PPP1R7: variants seen among roughly 807,000 people sequenced by gnomAD.
PPP1R7 encodes protein phosphatase 1 regulatory subunit 22.
Under a neutral mutation model 45.2 loss-of-function variants are expected in PPP1R7, and 18 were observed. The observed-to-expected ratio is 0.40, with a 90% CI of 0.28 to 0.59. PPP1R7 has a LOEUF of 0.59. PPP1R7 is among the 20% of genes least tolerant of loss of function. The pLI is 0.46. For synonymous variants in PPP1R7, 181 were observed against 183.4 expected, an observed-to-expected ratio of 0.99 and a Z score of 0.11; for missense variants, 314 against 455.8, an observed-to-expected ratio of 0.69 and a Z score of 2.83.
At chr2:241,149,920 C>A (rs1325124931), upstream of PPP1R7, 8 of 1,429,966 alleles carry the variant, frequency 5.6e-6, no homozygotes, top group Non-Finnish European at 6.4e-6. Context: ...CGCACCTGCC[C>A]GCCTGCTCCG....
chr2:241,169,982 C>A, intron 9 of PPP1R7, 115 bp downstream of exon 9: 1 of 840,384 alleles, frequency 1.2e-6, no homozygotes, highest in Non-Finnish European at 1.9e-6. Context: ...TGAGTGACTC[C>A]GCACATCATG....
At chr2:241,159,006 C>T (rs375654976) in intron 4 of PPP1R7, 96 of 587,056 alleles carry the variant, frequency 1.6e-4, no homozygotes, top group African/African-American at 1.4e-3. Flanking sequence ...TTTGGGTTCC[C>T]GCCCTTCCTC....
chr2:241,160,081 G>T (rs909167364), intron 5 of PPP1R7, among the ~76,000 whole-genome samples: 2 of 152,144 alleles, frequency 1.3e-5, no homozygotes, highest in African/African-American at 4.8e-5. Flanking sequence ...ACCATACTGG[G>T]AGCCAGGGCA....
intron 8 of PPP1R7, among the ~76,000 whole-genome samples, chr2:241,167,466 A>G (rs1167316488): frequency 6.9e-6 from 1 of 145,104 alleles, no homozygotes; most frequent in Non-Finnish European, 1.5e-5. Context: ...ACGTGCCTGC[A>G]GTGGAATGGC....
intron 9 of PPP1R7, among the ~76,000 whole-genome samples, chr2:241,172,643 C>CAAA (rs1364917767): frequency 1.0e-5 from 1 of 96,570 alleles, no homozygotes; most frequent in African/African-American, 3.8e-5. Context: ...AACTCCGTCT[C>CAAA]AAAAAAAAAA....
upstream of PPP1R7, chr2:241,149,651 G>A (rs1374901022): frequency 1.4e-5 from 21 of 1,541,554 alleles, no homozygotes; most frequent in African/African-American, 8.2e-5. Flanking sequence ...GGAATAATGG[G>A]CGCCTCCGCC....
chr2:241,174,912 T>C (rs2067884402), intron 9 of PPP1R7, among the ~76,000 whole-genome samples: 1 of 152,126 alleles, frequency 6.6e-6, no homozygotes, highest in Non-Finnish European at 1.5e-5. Flanking sequence ...CCTGACCTCA[T>C]GATCCGCCCG....
intron 9 of PPP1R7, among the ~76,000 whole-genome samples, chr2:241,176,695 C>T (rs2067912991): frequency 1.3e-5 from 2 of 151,962 alleles, no homozygotes; most frequent in South Asian, 4.1e-4. Context: ...TCCTGGCCTC[C>T]AGTGATCTGC....
chr2:241,172,549 C>T (rs1460267081), intron 9 of PPP1R7, among the ~76,000 whole-genome samples: 1 of 151,460 alleles, frequency 6.6e-6, no homozygotes, highest in Non-Finnish European at 1.5e-5. Flanking sequence ...GAGGCTAAGG[C>T]ACGACAATCA....
At chr2:241,162,559 A>AG (rs2067617835) in intron 6 of PPP1R7, among the ~76,000 whole-genome samples, 2 of 151,982 alleles carry the variant, frequency 1.3e-5, no homozygotes, top group Admixed American at 6.5e-5. Flanking sequence ...ACTGGGCAAG[A>AG]GGGGCAGAGT....
Position 241,183,559 on chromosome 2 carries a change from A to G in PPP1R7, c.*736A>G, listed in dbSNP as rs1332755736. 7.0e-6 allele frequency: 3 copies of G among 428,098 alleles called. No homozygotes were observed. Among genetic ancestry groups the G allele is most frequent in the South Asian group, 3.4e-5 (2 of 58,020 alleles). 26.5% of individuals were successfully genotyped at this position (428,098 alleles called of 1,614,324 possible). On this transcript the variant is annotated 3_prime_UTR_variant, in exon 10 of 10. Coordinates refer to ENST00000234038, the MANE Select transcript of PPP1R7 (RefSeq NM_002712.3). ...TGAGCCTCTCCAAAGACGGCCTCCA[A>G]GGATCTGAACTCTTGGCCACTGGTA... is the stretch of plus-strand genomic sequence containing the variant.
chr2:241,169,133 G>A (rs1344962081), intron 8 of PPP1R7, among the ~76,000 whole-genome samples: 6 of 152,174 alleles, frequency 3.9e-5, no homozygotes, highest in Admixed American at 3.9e-4. Flanking sequence ...GTCTCCCAGT[G>A]GGGGCACACA....
intron 8 of PPP1R7, chr2:241,167,008 C>A: frequency 1.3e-6 from 2 of 1,595,946 alleles, no homozygotes; most frequent in Non-Finnish European, 1.7e-6. Context: ...CTCACCTGTT[C>A]ATGCTCCTCC....
Position 241,182,938 on chromosome 2 carries a change from G to A in PPP1R7, c.*115G>A. The A allele has an allele frequency of 8.3e-7, 1 of 1,208,002 alleles. No homozygotes were observed. The highest frequency in any genetic ancestry group is 1.1e-6 in the Non-Finnish European group (1 of 877,642). The allele number at this position is 1,208,002 out of a possible 1,614,324, so 74.8% of individuals were successfully genotyped here. ...CTATATCAACAGTCACAAACCCAAT[G>A]GCAATAAAGGCACTGACGATAGCTG... On this transcript the variant is annotated 3_prime_UTR_variant, in exon 10 of 10. Coordinates refer to ENST00000234038, the MANE Select transcript of PPP1R7 (RefSeq NM_002712.3).
Position 241,183,174 on chromosome 2 carries a change from A to ACAGG in PPP1R7, c.*354_*357dup. ...GAAACACAGGGCCTGAGAGTGCTTT[A>ACAGG]CAGGCATTCACGTGCTGTCCGAGTG... On this transcript the variant is annotated 3_prime_UTR_variant, in exon 10 of 10. Transcript: ENST00000234038. 1 of 388,904 alleles carries ACAGG rather than the reference A, an allele frequency of 2.6e-6. No individual in the cohort carries two copies. The allele number at this position is 388,904 out of a possible 1,614,324, so 24.1% of individuals were successfully genotyped here.
chr2:241,174,396 A>T (rs1193684025), intron 9 of PPP1R7, among the ~76,000 whole-genome samples: 1 of 152,158 alleles, frequency 6.6e-6, no homozygotes, highest in Admixed American at 6.5e-5. Flanking sequence ...AGGATTCCAC[A>T]GGATACCATG....
intron 1 of PPP1R7, among the ~76,000 whole-genome samples, chr2:241,153,219 CACA>C (rs1370505974): frequency 1.3e-5 from 2 of 152,206 alleles, no homozygotes; most frequent in Non-Finnish European, 2.9e-5. Context: ...GGCAATTCTT[CACA>C]AGCTCCTTGA....
intron 9 of PPP1R7, among the ~76,000 whole-genome samples, chr2:241,178,517 C>T (rs1296806413): frequency 7.1e-6 from 1 of 140,636 alleles, no homozygotes; most frequent in Admixed American, 7.3e-5. Flanking sequence ...AGTGCAGTGG[C>T]GTGATCTCGG....
At chr2:241,154,817 A>G (rs757324801) in intron 2 of PPP1R7, among the ~76,000 whole-genome samples, 1 of 152,264 alleles carries the variant, frequency 6.6e-6, no homozygotes, top group South Asian at 2.1e-4. Flanking sequence ...AGAAGGATCT[A>G]TACATTTTGT....
Sources: gnomAD v4.1 joint callset for allele counts (sites outside exome capture counted in the v4.1 genomes callset) on GRCh38, gnomAD v4.1.1 for gene constraint, MANE v1.5 for transcripts, NCBI Gene and HGNC (gene_info 2026-07-23, HGNC 2026-07-21) for gene names.